BABAM2: variants seen among roughly 807,000 people sequenced by gnomAD.
BABAM2 encodes the protein BRISC and BRCA1-A complex member 2.
In BABAM2, 31 loss-of-function variants were observed where a neutral mutation model predicts 54.7. That is an observed-to-expected ratio of 0.57 (90% CI 0.43 to 0.77). BABAM2 has a LOEUF of 0.77. Among genes scored for constraint, BABAM2 ranks in the 30% least tolerant of loss-of-function variants. The pLI is 0.00. For missense variants in BABAM2, 364 were observed against 455.8 expected, an observed-to-expected ratio of 0.80 and a Z score of 1.83; for synonymous variants, 167 against 162.9, an observed-to-expected ratio of 1.03 and a Z score of -0.19.
intron 7 of BABAM2, among the ~76,000 whole-genome samples, chr2:28,231,320 AG>A (rs1681364198): frequency 6.6e-6 from 1 of 152,102 alleles, no homozygotes; most frequent in African/African-American, 2.4e-5. Flanking sequence ...CAGATTCTTG[AG>A]GTCCCTGGCA....
At chr2:28,308,658 G>A in intron 11 of BABAM2, 1 of 313,736 alleles carries the variant, frequency 3.2e-6, no homozygotes, top group East Asian at 8.6e-5. Flanking sequence ...TAGGTCCTCT[G>A]ACCCTTCTGC....
At chr2:27,908,407 G>T (rs1354220395) in intron 2 of BABAM2, among the ~76,000 whole-genome samples, 1 of 151,978 alleles carries the variant, frequency 6.6e-6, no homozygotes, top group Non-Finnish European at 1.5e-5. Flanking sequence ...TGAGTAGCTG[G>T]GACTAAAGCA....
chr2:28,093,064 G>T (rs1462878035), intron 6 of BABAM2, among the ~76,000 whole-genome samples: 2 of 152,034 alleles, frequency 1.3e-5, no homozygotes, highest in East Asian at 3.9e-4. Flanking sequence ...TATTACATTA[G>T]TCTCATTGAA....
At chr2:28,045,939 A>G (rs1159234147) in intron 6 of BABAM2, 140 bp downstream of exon 6, 1 of 685,880 alleles carries the variant, frequency 1.5e-6, no homozygotes, top group Non-Finnish European at 2.3e-6. Flanking sequence ...ATGAAGTTCC[A>G]TTGAGCTGTT....
chr2:28,279,508 C>T (rs1336460434), intron 10 of BABAM2, among the ~76,000 whole-genome samples: 1 of 152,120 alleles, frequency 6.6e-6, no homozygotes. Context: ...ATTTCTCATA[C>T]TATATTGGGA....
intron 5 of BABAM2, among the ~76,000 whole-genome samples, chr2:28,043,501 G>C (rs1049737401): frequency 6.6e-6 from 1 of 152,132 alleles, no homozygotes; most frequent in African/African-American, 2.4e-5. Context: ...AGACTTTTCT[G>C]TCTTTCCTTC....
intron 6 of BABAM2, among the ~76,000 whole-genome samples, chr2:28,120,115 G>A (rs892330762): frequency 6.6e-6 from 1 of 152,130 alleles, no homozygotes; most frequent in Non-Finnish European, 1.5e-5. Flanking sequence ...ATAGCCTTTA[G>A]TCTTTACACA....
intron 7 of BABAM2, among the ~76,000 whole-genome samples, chr2:28,215,645 C>G (rs1310049441): frequency 1.2e-5 from 1 of 86,806 alleles, no homozygotes; most frequent in Non-Finnish European, 2.3e-5. Context: ...TACCCTTCCA[C>G]TCCTTCCCTT....
chr2:28,016,333 C>A (rs1330296440), intron 4 of BABAM2: 4 of 1,159,946 alleles, frequency 3.4e-6, no homozygotes, highest in Non-Finnish European at 3.9e-6. Flanking sequence ...CTTTCTTTTT[C>A]TTTTCTAGTT....
At position 28,114,808 on chromosome 2, in the gene BABAM2, T is replaced by G. The variant is rs113455606; in HGVS notation, c.571-14463T>G. Among the ~76,000 whole-genome samples, 828 of 152,328 alleles carry G rather than the reference T, an allele frequency of 5.4e-3. 10 individuals are homozygous for G. Among genetic ancestry groups the G allele is most frequent in the African/African-American group, 0.019 (772 of 41,572 alleles). On this transcript the variant is annotated intron_variant, in intron 6 of 11. Transcript: ENST00000379624. ...ATTTTCCTCCTATTCCAAGGCATGA[T>G]CTAAACCTGGGGAGAAATGGCCTAT...
At chr2:27,948,131 A>G (rs1055535054) in intron 3 of BABAM2, among the ~76,000 whole-genome samples, 1 of 151,610 alleles carries the variant, frequency 6.6e-6, no homozygotes, top group Non-Finnish European at 1.5e-5. Flanking sequence ...TTAGTTTTCT[A>G]TGTTATTAGT....
chr2:28,188,873 A>T (rs1430643989), intron 7 of BABAM2, among the ~76,000 whole-genome samples: 1 of 152,096 alleles, frequency 6.6e-6, no homozygotes, highest in African/African-American at 2.4e-5. Context: ...TCAAAGTTTT[A>T]TTTGCTTAAC....
At chr2:28,332,551 C>T (rs942994486) in intron 11 of BABAM2, among the ~76,000 whole-genome samples, 2 of 152,172 alleles carry the variant, frequency 1.3e-5, no homozygotes, top group African/African-American at 2.4e-5. Context: ...AGTGCTCTTT[C>T]CACTTCCCCC....
At position 28,004,268 on chromosome 2, in the gene BABAM2, C is replaced by T. The variant is rs115545870; in HGVS notation, c.300+16181C>T. Among the ~76,000 whole-genome samples, 1,101 of 152,180 alleles carry T rather than the reference C, an allele frequency of 7.2e-3. 9 individuals carry two copies. The highest frequency in any genetic ancestry group is 0.022 in the African/African-American group (915 of 41,532). ...AGATATTTAAACCTGTAAAGGAAAA[C>T]GCCAGCTCAGCCCTTACACTGGTTT... is the stretch of plus-strand genomic sequence containing the variant. On this transcript the variant is annotated intron_variant, in intron 4 of 11. Coordinates refer to ENST00000379624, the MANE Select transcript of BABAM2 (RefSeq NM_199191.3).
intron 2 of BABAM2, among the ~76,000 whole-genome samples, chr2:27,917,820 A>G (rs931115805): frequency 1.3e-5 from 2 of 152,154 alleles, no homozygotes; most frequent in Non-Finnish European, 2.9e-5. Context: ...AGATAAAATT[A>G]ACAACACTGT....
At chr2:28,262,206 A>G (rs557532712) in intron 10 of BABAM2, among the ~76,000 whole-genome samples, 6 of 152,282 alleles carry the variant, frequency 3.9e-5, no homozygotes, top group African/African-American at 1.4e-4. Context: ...GATCCCAAGA[A>G]GTAGTAAGAG....
intron 10 of BABAM2, among the ~76,000 whole-genome samples, chr2:28,278,713 C>T (rs781517107): frequency 4.5e-4 from 69 of 152,260 alleles, no homozygotes; most frequent in Middle Eastern, 6.8e-3. Context: ...GAAAACAGAT[C>T]TGGGAAAGGC....
At chr2:28,287,970 G>A (rs1353914871) in intron 10 of BABAM2, among the ~76,000 whole-genome samples, 4 of 152,128 alleles carry the variant, frequency 2.6e-5, no homozygotes, top group Non-Finnish European at 5.9e-5. Context: ...AGAAGCACTT[G>A]GGACAGGAGG....
At chr2:27,959,092 T>C (rs980430037) in intron 3 of BABAM2, among the ~76,000 whole-genome samples, 1 of 152,208 alleles carries the variant, frequency 6.6e-6, no homozygotes, top group Non-Finnish European at 1.5e-5. Flanking sequence ...TTTGTCCAAA[T>C]TGAGGACTCA....
Sources: gnomAD v4.1 joint callset for allele counts (sites outside exome capture counted in the v4.1 genomes callset) on GRCh38, gnomAD v4.1.1 for gene constraint, MANE v1.5 for transcripts, NCBI Gene and HGNC (gene_info 2026-07-23, HGNC 2026-07-21) for gene names.